Variants in BAHD1 observed in about 807,000 individuals in gnomAD.
BAHD1 encodes the protein bromo adjacent homology domain containing 1, also known as bromo adjacent homology domain-containing 1 protein.
In BAHD1, 20 loss-of-function variants were observed where a neutral mutation model predicts 63.1. That is an observed-to-expected ratio of 0.32 (90% CI 0.22 to 0.46). BAHD1 has a LOEUF of 0.46. Among genes scored for constraint, BAHD1 ranks in the 20% least tolerant of loss-of-function variants. BAHD1 has a pLI of 1.00. For synonymous variants in BAHD1, 408 were observed against 426.8 expected (o/e 0.96, Z 0.54); for missense variants, 939 against 1,071.8 (o/e 0.88, Z 1.73).
At chr15:40,461,653 G>C (rs1157344357) in intron 2 of BAHD1, among the ~76,000 whole-genome samples, 1 of 151,412 alleles carries the variant, frequency 6.6e-6, no homozygotes, top group African/African-American at 2.4e-5. Context: ...AAAAAAAAAA[G>C]TTCGGAGTTA....
rs1480253963 is a variant in BAHD1 at position 40,459,916 on chromosome 15, A to G, written c.1432+20A>G. Reference sequence around the variant, plus strand: ...CAGCAGGTGAGGCTTCCTGGGCCCAAGATGTACTGGGGAGTCTCGGAGACA... The same window carrying G: ...CAGCAGGTGAGGCTTCCTGGGCCCAGGATGTACTGGGGAGTCTCGGAGACA... On this transcript the variant is annotated intron_variant, in intron 2 of 6. Transcript: ENST00000416165. The G allele has an allele frequency of 2.6e-6, 4 of 1,559,372 alleles. No homozygotes were observed. Among genetic ancestry groups the G allele is most frequent in the Non-Finnish European group, 3.5e-6 (4 of 1,153,104 alleles).
chr15:40,456,384 C>T (rs1366704492), intron 1 of BAHD1, among the ~76,000 whole-genome samples: 1 of 152,182 alleles, frequency 6.6e-6, no homozygotes, highest in Non-Finnish European at 1.5e-5. Flanking sequence ...TAGGAGCTCT[C>T]CACCTGTGCT....
At chr15:40,441,930 G>A (rs1400108235) in intron 1 of BAHD1, among the ~76,000 whole-genome samples, 4 of 151,918 alleles carry the variant, frequency 2.6e-5, no homozygotes, top group African/African-American at 7.2e-5. Flanking sequence ...CTGAGAGGAA[G>A]GGAGGCGCCG....
rs1319147633 is a variant in BAHD1 at position 40,441,284 on chromosome 15, G to C, written c.-15+16G>C. On this transcript the variant is annotated intron_variant, in intron 1 of 6. Coordinates refer to ENST00000416165, the MANE Select transcript of BAHD1 (RefSeq NM_014952.5). ...GCCCGTTCTGGTGAGTCAGGGGCCG[G>C]GGTCGAGGAGGGGGAAGGGGCGAGC... 1 of 151,272 alleles carries C rather than the reference G, an allele frequency of 6.6e-6. No homozygotes were observed. The highest frequency in any genetic ancestry group is 1.5e-5 in the Non-Finnish European group (1 of 67,872). The allele number at this position is 151,272 out of a possible 1,614,324, so 9.4% of individuals were successfully genotyped here. A position where few individuals can be genotyped will look rare whatever the true frequency, so the allele number is the denominator to read the frequency against.
At chr15:40,449,033 C>T (rs1893628127) in intron 1 of BAHD1, among the ~76,000 whole-genome samples, 1 of 151,902 alleles carries the variant, frequency 6.6e-6, no homozygotes, top group Non-Finnish European at 1.5e-5. Flanking sequence ...TCAGGCTGGC[C>T]TTGAACTCCC....
At position 40,466,169 on chromosome 15, in the gene BAHD1, G is replaced by C. The variant is rs776725029; in HGVS notation, c.*39G>C. ...ATGCTGGGGCTACCCATGGGCAAGTGGGGCTCGGGGTAGGGGGCACTGCTT... is the reference window on the plus strand; with the variant it reads ...ATGCTGGGGCTACCCATGGGCAAGTCGGGCTCGGGGTAGGGGGCACTGCTT... On this transcript the variant is annotated 3_prime_UTR_variant, in exon 7 of 7. Coordinates refer to ENST00000416165, the MANE Select transcript of BAHD1 (RefSeq NM_014952.5). 1 of 1,593,090 alleles carries C rather than the reference G, an allele frequency of 6.3e-7. No homozygotes were observed. Among genetic ancestry groups the C allele is most frequent in the South Asian group, 1.1e-5 (1 of 87,880 alleles).
intron 2 of BAHD1, among the ~76,000 whole-genome samples, chr15:40,460,330 T>C (rs1595860845): frequency 6.6e-6 from 1 of 152,140 alleles, no homozygotes; most frequent in East Asian, 1.9e-4. Flanking sequence ...AAACCAGTAC[T>C]CTCTGCATGC....
chr15:40,451,276 G>A (rs942475300), intron 1 of BAHD1, among the ~76,000 whole-genome samples: 6 of 151,280 alleles, frequency 4.0e-5, no homozygotes, highest in African/African-American at 1.5e-4. Context: ...CACGGTACAC[G>A]TGGCATAAAG....
chr15:40,453,341 C>T (rs563361878), intron 1 of BAHD1: 24 of 152,344 alleles, frequency 1.6e-4, no homozygotes, highest in African/African-American at 5.8e-4. Context: ...AGCAGCTTCA[C>T]CTGTTTCTCC....
At chr15:40,446,557 C>G (rs536844954) in intron 1 of BAHD1, among the ~76,000 whole-genome samples, 3 of 152,320 alleles carry the variant, frequency 2.0e-5, no homozygotes, top group Non-Finnish European at 2.9e-5. Flanking sequence ...TTAAGATCCT[C>G]TGCAGGCCCA....
At position 40,458,903 on chromosome 15, in the gene BAHD1, C is replaced by A; in HGVS notation, c.439C>A (p.Arg147=). The change falls in exon 2 of 7, where the codon CGA becomes AGA. Residue 147 remains arginine (R), a synonymous_variant. Coordinates refer to ENST00000416165, the MANE Select transcript of BAHD1 (RefSeq NM_014952.5). The surrounding 1 kb of genome is among the most constrained non-coding windows in gnomAD (Gnocchi z 4.7). ...TSSLAGTRRS[R]AGDPHRSRDR... ...CAGCCTGGCAGGCACCCGCCGCAGT[C>A]GAGCAGGGGATCCCCACCGCAGCCG... 1 of 1,597,456 alleles carries A rather than the reference C, an allele frequency of 6.3e-7. No individual in the cohort carries two copies. Among genetic ancestry groups the A allele is most frequent in the Non-Finnish European group, 8.5e-7 (1 of 1,170,718 alleles).
chr15:40,458,680 G>T lies in BAHD1; in HGVS notation c.216G>T (p.Val72=), dbSNP rs1893922493. The T allele has an allele frequency of 6.2e-7, 1 of 1,613,802 alleles. No individual in the cohort carries two copies. The highest frequency in any genetic ancestry group is 1.7e-5 in the Admixed American group (1 of 60,000). Residue 72 remains valine, a synonymous_variant, in exon 2 of 7, where the codon GTG becomes GTT. Coordinates refer to ENST00000416165, the MANE Select transcript of BAHD1 (RefSeq NM_014952.5). This position sits in a 1 kb window ranked among gnomAD's most constrained non-coding sequence, Gnocchi z 4.7. ...CTGAGAAGCCCAAGGCCTGCAAAGTGCTGCTGACTCGCCTGGAGAATGTGG... is the reference window on the plus strand; with the variant it reads ...CTGAGAAGCCCAAGGCCTGCAAAGTTCTGCTGACTCGCCTGGAGAATGTGG... ...LVPEKPKACK[V]LLTRLENVAG...
upstream of BAHD1, among the ~76,000 whole-genome samples, chr15:40,437,460 G>C (rs1893295221): frequency 6.6e-6 from 1 of 152,216 alleles, no homozygotes; most frequent in South Asian, 2.1e-4. Context: ...CCACCCCCCA[G>C]GGGCTTCCTA....
At chr15:40,455,625 C>G (rs1290222509) in intron 1 of BAHD1, among the ~76,000 whole-genome samples, 1 of 152,222 alleles carries the variant, frequency 6.6e-6, no homozygotes, top group Non-Finnish European at 1.5e-5. Flanking sequence ...ACAGCACCTC[C>G]CTGTGCTGTC....
chr15:40,448,842 T>C (rs1249919013), intron 1 of BAHD1, among the ~76,000 whole-genome samples: 1 of 151,574 alleles, frequency 6.6e-6, no homozygotes, highest in African/African-American at 2.4e-5. Context: ...AACTCTTTTT[T>C]TTTTTTTTTT....
rs1436231829 is a variant in BAHD1, at chr15:40,465,824, C to A, written c.2154-117C>A. The A allele has an allele frequency of 1.1e-5, 12 of 1,069,750 alleles. No individual in the cohort carries two copies. In the East Asian group the frequency reaches 2.9e-4, roughly 26 times the overall value. 66.3% of individuals were successfully genotyped at this position (1,069,750 alleles called of 1,614,324 possible). On this transcript the variant is annotated intron_variant, in intron 6 of 6. Transcript: ENST00000416165. The stretch of plus-strand genomic sequence containing the variant: ...CCTGGGATGGGTGGAGACAGTACCA[C>A]CCCTTGGGGAGCTAGGATAGCCTAG...
rs999927290 is a variant in BAHD1, at chr15:40,468,207, T to C, written c.*2077T>C. 2.0e-5 allele frequency: 3 copies of C among 152,554 alleles called. No homozygotes were observed. The highest frequency in any genetic ancestry group is 2.9e-5 in the Non-Finnish European group (2 of 68,034). The allele number at this position is 152,554 out of a possible 1,614,324, so 9.5% of individuals were successfully genotyped here. ...AGTACTTCTTTAAGAAAAAAATAAATTTGAGAAATTGTATTGATTTAGAAA... is the reference window on the plus strand; with the variant it reads ...AGTACTTCTTTAAGAAAAAAATAAACTTGAGAAATTGTATTGATTTAGAAA... On this transcript the variant is annotated 3_prime_UTR_variant, in exon 7 of 7. Coordinates refer to ENST00000416165, the MANE Select transcript of BAHD1 (RefSeq NM_014952.5).
upstream of BAHD1, among the ~76,000 whole-genome samples, chr15:40,438,219 A>G (rs1363901773): frequency 6.6e-6 from 1 of 152,130 alleles, no homozygotes. Context: ...AAGGAGGAAG[A>G]GGTGGAGCCC....
In BAHD1 at chr15:40,458,898, G is replaced by A. The variant is rs779570067; in HGVS notation, c.434G>A (p.Arg145His). The change falls in exon 2 of 7, where the codon CGC becomes CAC. Residue 145 changes from arginine (R) to histidine (H), a missense_variant. This residue lies in a region of BAHD1 where 797 missense variants were observed against 813.3 expected (regional missense o/e 0.98). Transcript: ENST00000416165. The surrounding 1 kb of genome is among the most constrained non-coding windows in gnomAD (Gnocchi z 4.7). ...ACCAGCAGCCTGGCAGGCACCCGCCGCAGTCGAGCAGGGGATCCCCACCGC... is the reference window on the plus strand; with the variant it reads ...ACCAGCAGCCTGGCAGGCACCCGCCACAGTCGAGCAGGGGATCCCCACCGC... Reference protein sequence around the residue: ...EDTSSLAGTRRSRAGDPHRSR... With the variant: ...EDTSSLAGTRHSRAGDPHRSR... 37 of 1,596,878 alleles carry A rather than the reference G, an allele frequency of 2.3e-5. No individual in the cohort carries two copies. The Admixed American group carries it at 2.4e-4, about 10-fold the overall frequency.
Sources: gnomAD v4.1 joint callset for allele counts (sites outside exome capture counted in the v4.1 genomes callset) on GRCh38, gnomAD v4.1.1 for gene constraint, gnomAD v4.1.1 regional missense constraint, Gnocchi (gnomAD v3.1) non-coding constraint, MANE v1.5 for transcripts, NCBI Gene and HGNC (gene_info 2026-07-23, HGNC 2026-07-21) for gene names.